Variants in SMAD9 observed in about 807,000 individuals in gnomAD.
SMAD9 encodes the protein SMAD family member 9, also known as MAD homolog 9.
A neutral mutation model predicts 46.1 loss-of-function variants in SMAD9; 36 were observed. That is an observed-to-expected ratio of 0.78 (90% CI 0.60 to 1.03). SMAD9 has a LOEUF of 1.03. Among genes scored for constraint, SMAD9 ranks in the 50% least tolerant of loss-of-function variants. SMAD9 has a pLI of 0.00. For missense variants in SMAD9, 572 were observed against 599.8 expected, an observed-to-expected ratio of 0.95 and a Z score of 0.48; for synonymous variants, 245 against 237.1, an observed-to-expected ratio of 1.03 and a Z score of -0.31.
intron 5 of SMAD9, among the ~76,000 whole-genome samples, chr13:36,862,615 T>TACA (rs1298570004): frequency 6.6e-6 from 1 of 152,198 alleles, no homozygotes; most frequent in Non-Finnish European, 1.5e-5. Flanking sequence ...AAGAAATAAC[T>TACA]ACATTATCAG....
chr13:36,910,537 C>A (rs1428664596), intron 1 of SMAD9, among the ~76,000 whole-genome samples: 1 of 152,146 alleles, frequency 6.6e-6, no homozygotes, highest in African/African-American at 2.4e-5. Flanking sequence ...GAGTTGACGC[C>A]TGTAACATCA....
At chr13:36,861,278 A>C (rs900064313) in intron 5 of SMAD9, among the ~76,000 whole-genome samples, 2 of 152,174 alleles carry the variant, frequency 1.3e-5, no homozygotes, top group African/African-American at 4.8e-5. Context: ...ATTGATATCT[A>C]CTGGGTAGGG....
In SMAD9 at chr13:36,863,811, C is replaced by G. The variant is rs139389176; in HGVS notation, c.1003+1726G>C. 1.8e-3 allele frequency among the ~76,000 whole-genome samples: 274 copies of G among 152,258 alleles called. 1 individual carries two copies. The highest frequency in any genetic ancestry group is 3.4e-3 in the Non-Finnish European group (229 of 68,034). On this transcript the variant is annotated intron_variant, in intron 5 of 6. Transcript: ENST00000379826. ...CTAAAGCCCTCACCAGAAGCACATG[C>G]CAGTACAGCCTGCAGACCCATGGGC...
chr13:36,913,834 A>C (rs2058679087), intron 1 of SMAD9, among the ~76,000 whole-genome samples: 1 of 152,192 alleles, frequency 6.6e-6, no homozygotes, highest in African/African-American at 2.4e-5. Flanking sequence ...ATGAGACCTA[A>C]AATCTTTTTA....
chr13:36,883,020 A>C (rs1048435609), intron 1 of SMAD9, among the ~76,000 whole-genome samples: 2 of 152,122 alleles, frequency 1.3e-5, no homozygotes, highest in Non-Finnish European at 2.9e-5. Flanking sequence ...AAGGTTATTC[A>C]TTCTCATTCC....
intron 3 of SMAD9, among the ~76,000 whole-genome samples, chr13:36,871,987 C>T (rs948363452): frequency 6.6e-6 from 1 of 152,240 alleles, no homozygotes. Flanking sequence ...TTATCTCACA[C>T]TCACAAAGTG....
At chr13:36,920,037 C>T (rs1194023862) in intron 1 of SMAD9, 79 bp downstream of exon 1, 1 of 150,138 alleles carries the variant, frequency 6.7e-6, no homozygotes, top group Non-Finnish European at 1.5e-5. Flanking sequence ...ACTCATCCCT[C>T]CCCCACCCAG....
At position 36,853,498 on chromosome 13, in the gene SMAD9, A is replaced by G; in HGVS notation, c.1181T>C (p.Leu394Pro). 2 of 1,614,162 alleles carry G rather than the reference A, an allele frequency of 1.2e-6. No individual in the cohort carries two copies. The highest frequency in any genetic ancestry group is 1.1e-5 in the South Asian group (1 of 91,080). Reference protein sequence around the residue: ...VFNNQLFAQLLAQSVHHGFEV... With the variant: ...VFNNQLFAQLPAQSVHHGFEV... ...AAAGCCGTGGTGAACTGACTGGGCC[A>G]GGAGCTGAGCGAAGAGCTGGTTGTT... The change falls in exon 6 of 7, where the codon CTG (leucine) becomes CCG (proline). Residue 394 changes from leucine to proline, a missense_variant. Coordinates refer to ENST00000379826, the MANE Select transcript of SMAD9 (RefSeq NM_001127217.3).
chr13:36,883,883 T>C (rs774735401), intron 1 of SMAD9, among the ~76,000 whole-genome samples: 7 of 152,230 alleles, frequency 4.6e-5, no homozygotes, highest in Non-Finnish European at 7.3e-5. Context: ...ATCAACTGTG[T>C]GCTCTTAGGC....
intron 3 of SMAD9, among the ~76,000 whole-genome samples, chr13:36,867,726 C>T (rs1002688938): frequency 6.6e-6 from 1 of 152,204 alleles, no homozygotes; most frequent in Non-Finnish European, 1.5e-5. Flanking sequence ...TTGCAAAACA[C>T]AGAGAAAGCT....
At chr13:36,885,976 G>A (rs954447243) in intron 1 of SMAD9, among the ~76,000 whole-genome samples, 2 of 152,184 alleles carry the variant, frequency 1.3e-5, no homozygotes, top group African/African-American at 4.8e-5. Flanking sequence ...ACTGGGAAGA[G>A]CCTGGAAGGA....
chr13:36,892,723 G>A (rs913106376), intron 1 of SMAD9, among the ~76,000 whole-genome samples: 2 of 152,096 alleles, frequency 1.3e-5, no homozygotes, highest in African/African-American at 4.8e-5. Context: ...AAATAATCCA[G>A]CACAAAGCCA....
intron 1 of SMAD9, among the ~76,000 whole-genome samples, chr13:36,913,305 C>A (rs1369065294): frequency 6.6e-6 from 1 of 152,118 alleles, no homozygotes; most frequent in East Asian, 1.9e-4. Context: ...ATCCTGGAGA[C>A]TAGGATTTTA....
rs149784600 is a variant in SMAD9 at position 36,886,092 on chromosome 13, G to A, written c.-186-6217C>T. Among the ~76,000 whole-genome samples, 161 of 152,254 alleles carry A rather than the reference G, an allele frequency of 1.1e-3. 1 individual carries two copies. The highest frequency in any genetic ancestry group is 1.9e-3 in the Non-Finnish European group (126 of 68,014). On this transcript the variant is annotated intron_variant, in intron 1 of 6. Transcript: ENST00000379826. ...AGTGCCTTAAGTACATTTACTCACC[G>A]AATCACTGTCACAGCTGCATGTGCT... is the stretch of plus-strand genomic sequence containing the variant.
chr13:36,875,283 G>A (rs2058335533), intron 2 of SMAD9, among the ~76,000 whole-genome samples: 1 of 152,178 alleles, frequency 6.6e-6, no homozygotes, highest in African/African-American at 2.4e-5. Context: ...CCCGAAGTCT[G>A]CCATCTGCCT....
At chr13:36,855,637 C>T (rs1327511595) in intron 5 of SMAD9, among the ~76,000 whole-genome samples, 1 of 152,168 alleles carries the variant, frequency 6.6e-6, no homozygotes, top group East Asian at 1.9e-4. Context: ...TGCTCAGGGC[C>T]TCGTGTGCAT....
At chr13:36,912,052 T>A (rs1469033110) in intron 1 of SMAD9, among the ~76,000 whole-genome samples, 1 of 152,106 alleles carries the variant, frequency 6.6e-6, no homozygotes, top group East Asian at 1.9e-4. Context: ...CATGAAGCAG[T>A]GGAGATGGTG....
chr13:36,911,615 TGGG>T (rs11322701), intron 1 of SMAD9, among the ~76,000 whole-genome samples: 6 of 84,402 alleles, frequency 7.1e-5, no homozygotes, highest in African/African-American at 1.6e-4. Flanking sequence ...AAAGGCTGCC[TGGG>T]GGGGGGGGGG....
intron 1 of SMAD9, among the ~76,000 whole-genome samples, chr13:36,906,046 G>A (rs962062914): frequency 6.6e-6 from 1 of 151,982 alleles, no homozygotes; most frequent in Non-Finnish European, 1.5e-5. Flanking sequence ...AGAACACCAA[G>A]GGAAAAATAA....
Sources: allele counts gnomAD v4.1 joint callset (sites outside exome capture counted in the v4.1 genomes callset), GRCh38; gene constraint gnomAD v4.1.1; transcripts MANE v1.5; gene names NCBI Gene and HGNC (gene_info 2026-07-23, HGNC 2026-07-21).